RASAL2: variants seen among roughly 807,000 people sequenced by gnomAD.
RASAL2 encodes RAS protein activator like 2.
Under a neutral mutation model 128.9 loss-of-function variants are expected in RASAL2, and 58 were observed. The ratio of observed to expected loss-of-function variants is 0.45; its 90% CI spans 0.36 to 0.56. The LOEUF (loss-of-function observed/expected upper bound fraction) is 0.56. Among genes scored for constraint, RASAL2 ranks in the 20% least tolerant of loss-of-function variants. The probability of loss-of-function intolerance (pLI) is 0.00; values close to 1 mark genes in which losing one functional copy is unlikely to be tolerated. For missense variants in RASAL2, 1,360 were observed against 1,601.6 expected, an observed-to-expected ratio of 0.85 and a Z score of 2.57; for synonymous variants, 561 against 580.8, an observed-to-expected ratio of 0.97 and a Z score of 0.49.
chr1:178,169,464 T>C (rs947201174), intron 1 of RASAL2, among the ~76,000 whole-genome samples: 1 of 152,176 alleles, frequency 6.6e-6, no homozygotes, highest in African/African-American at 2.4e-5. Flanking sequence ...AGATGTTCTT[T>C]TTAATCATTA....
At chr1:178,385,722 T>A (rs1469629575) in intron 3 of RASAL2, among the ~76,000 whole-genome samples, 2 of 152,178 alleles carry the variant, frequency 1.3e-5, no homozygotes, top group Non-Finnish European at 2.9e-5. Flanking sequence ...TCTGAACATG[T>A]CTGCCCCAGT....
intron 1 of RASAL2, among the ~76,000 whole-genome samples, chr1:178,110,040 G>A (rs1416565702): frequency 2.0e-5 from 3 of 151,944 alleles, no homozygotes; most frequent in Admixed American, 1.3e-4. Context: ...ACGAAAAACC[G>A]GATTCAATAA....
In RASAL2 at chr1:178,477,100, C is replaced by T. The variant is rs1648728309; in HGVS notation, c.*3861C>T. ...CAAACCCAACAGCCACATGCCATAG[C>T]TTCACTGCATTTTCAGCTACACCTT... On this transcript the variant is annotated 3_prime_UTR_variant, in exon 18 of 18. Coordinates refer to ENST00000367649, the MANE Select transcript of RASAL2 (RefSeq NM_170692.4). 6.6e-6 allele frequency: 1 copy of T among 152,534 alleles called. No homozygotes were observed. Among genetic ancestry groups the T allele is most frequent in the African/African-American group, 2.4e-5 (1 of 41,394 alleles). 9.4% of individuals were successfully genotyped at this position (152,534 alleles called of 1,614,324 possible).
intron 3 of RASAL2, among the ~76,000 whole-genome samples, chr1:178,336,397 T>C (rs1172284851): frequency 6.6e-6 from 1 of 152,064 alleles, no homozygotes; most frequent in Non-Finnish European, 1.5e-5. Flanking sequence ...TTTTTCTAAA[T>C]AGATTTTATA....
intron 1 of RASAL2, among the ~76,000 whole-genome samples, chr1:178,173,918 A>AG (rs201636128): frequency 5.3e-5 from 8 of 150,752 alleles, no homozygotes; most frequent in Non-Finnish European, 1.2e-4. Flanking sequence ...TTTTTTTAAA[A>AG]AAGTTCATAT....
intron 3 of RASAL2, among the ~76,000 whole-genome samples, chr1:178,306,961 A>G (rs1256858009): frequency 2.6e-5 from 4 of 151,714 alleles, no homozygotes; most frequent in Non-Finnish European, 5.9e-5. Context: ...ACATGTATAC[A>G]TATGTAACTA....
chr1:178,413,203 G>T (rs919847950), intron 4 of RASAL2, among the ~76,000 whole-genome samples: 1 of 152,022 alleles, frequency 6.6e-6, no homozygotes. Flanking sequence ...CAGGTGATCC[G>T]CCTGCCTCAG....
At chr1:178,195,498 A>G (rs1423859813) in intron 1 of RASAL2, among the ~76,000 whole-genome samples, 1 of 152,184 alleles carries the variant, frequency 6.6e-6, no homozygotes, top group Non-Finnish European at 1.5e-5. Context: ...CCAAAGCCAC[A>G]CAATAGAATG....
Position 178,361,843 on chromosome 1 carries a change from G to A in RASAL2, c.458-28257G>A, listed in dbSNP as rs535217867. On this transcript the variant is annotated intron_variant, in intron 3 of 17. Coordinates refer to ENST00000367649, the MANE Select transcript of RASAL2 (RefSeq NM_170692.4). ...GTAGAATCAGTGGGAGCCTGAGCTCGTTTCCCTGCAACTAGATGGTCTCAT... is the reference window on the plus strand; with the variant it reads ...GTAGAATCAGTGGGAGCCTGAGCTCATTTCCCTGCAACTAGATGGTCTCAT... 7.6e-4 allele frequency among the ~76,000 whole-genome samples: 115 copies of A among 152,126 alleles called. 1 individual carries two copies. Among genetic ancestry groups the A allele is most frequent in the Admixed American group, 3.3e-4 (5 of 15,274 alleles).
rs1189063931 is a variant in RASAL2, at chr1:178,188,335, C to G, written c.202+93641C>G. Among the ~76,000 whole-genome samples the G allele has an allele frequency of 2.0e-5, 3 of 152,090 alleles. No homozygotes were observed. The East Asian group carries it at 5.8e-4, about 29-fold the overall frequency. On this transcript the variant is annotated intron_variant, in intron 1 of 17. Coordinates refer to ENST00000367649, the MANE Select transcript of RASAL2 (RefSeq NM_170692.4). ...TCTGCCTATGTTCCCTCTCCTTGTA[C>G]CAGTTTTCAAAACATGACTCCTGCT...
intron 1 of RASAL2, among the ~76,000 whole-genome samples, chr1:178,273,102 G>T (rs1666335524): frequency 6.6e-6 from 1 of 152,180 alleles, no homozygotes; most frequent in African/African-American, 2.4e-5. Context: ...TCCTGTATCA[G>T]CTATGTTCCC....
chr1:178,300,261 C>T (rs1222960773), intron 3 of RASAL2, 143 bp downstream of exon 3: 1 of 978,806 alleles, frequency 1.0e-6, no homozygotes, highest in African/African-American at 1.7e-5. Flanking sequence ...AGTTAGAGGT[C>T]ATTAGAGAGT....
intron 12 of RASAL2, 84 bp downstream of exon 12, chr1:178,454,732 C>T: frequency 1.7e-6 from 2 of 1,197,210 alleles, no homozygotes; most frequent in South Asian, 1.4e-5. Flanking sequence ...CTCACTCTTT[C>T]TGCTAATTGA....
At chr1:178,117,928 G>A (rs938975358) in intron 1 of RASAL2, among the ~76,000 whole-genome samples, 1 of 151,988 alleles carries the variant, frequency 6.6e-6, no homozygotes, top group African/African-American at 2.4e-5. Context: ...ACTTTGGGAG[G>A]CCAAGATGGG....
chr1:178,402,946 AG>A (rs1673742361), intron 4 of RASAL2, among the ~76,000 whole-genome samples: 1 of 152,122 alleles, frequency 6.6e-6, no homozygotes, highest in African/African-American at 2.4e-5. Flanking sequence ...ACTGTCCAAT[AG>A]GCTAATAGAC....
At chr1:178,322,869 C>G (rs1163019091) in intron 3 of RASAL2, among the ~76,000 whole-genome samples, 1 of 152,064 alleles carries the variant, frequency 6.6e-6, no homozygotes, top group African/African-American at 2.4e-5. Flanking sequence ...CATCTTTTTT[C>G]TTTTTACCCA....
At chr1:178,129,741 A>G (rs1660033096) in intron 1 of RASAL2, among the ~76,000 whole-genome samples, 1 of 151,918 alleles carries the variant, frequency 6.6e-6, no homozygotes, top group Non-Finnish European at 1.5e-5. Flanking sequence ...CATTTAAGTT[A>G]ATTTTTGTGT....
At chr1:178,415,534 A>C (rs866993394) in intron 4 of RASAL2, among the ~76,000 whole-genome samples, 1 of 152,088 alleles carries the variant, frequency 6.6e-6, no homozygotes, top group African/African-American at 2.4e-5. Flanking sequence ...AGGAATCTCT[A>C]TTCTGCTGTT....
chr1:178,388,589 A>AT lies in RASAL2; in HGVS notation c.458-1508dup, dbSNP rs567281730. Reference sequence around the variant, plus strand: ...CCTCTCAGTCTTTAGGAATGTTCCAATTTGGCTTGTGCCTTACCAGTCAAG... The same window carrying AT: ...CCTCTCAGTCTTTAGGAATGTTCCAATTTTGGCTTGTGCCTTACCAGTCAAG... On this transcript the variant is annotated intron_variant, in intron 3 of 17. Transcript: ENST00000367649. 3.9e-5 allele frequency among the ~76,000 whole-genome samples: 6 copies of AT among 152,304 alleles called. No individual in the cohort carries two copies. The East Asian group carries it at 1.2e-3, about 29-fold the overall frequency.
Sources: allele counts gnomAD v4.1 joint callset (sites outside exome capture counted in the v4.1 genomes callset), GRCh38; gene constraint gnomAD v4.1.1; transcripts MANE v1.5; gene names NCBI Gene and HGNC (gene_info 2026-07-23, HGNC 2026-07-21).